The following NUP98 variants were observed in gnomAD, a reference collection of about 807,000 sequenced individuals.
NUP98 encodes nucleoporin 98 and 96 precursor.
Under a neutral mutation model 191.9 loss-of-function variants are expected in NUP98, and 26 were observed. That is an observed-to-expected ratio of 0.14 (90% CI 0.10 to 0.19). The LOEUF is 0.19. NUP98 is among the 10% of genes least tolerant of loss of function. The probability of loss-of-function intolerance (pLI) is 1.00; values close to 1 mark genes in which losing one functional copy is unlikely to be tolerated. For synonymous variants in NUP98, 808 were observed against 778.4 expected (o/e 1.04, Z -0.63); for missense variants, 1,941 against 2,178.8 (o/e 0.89, Z 2.17).
intron 13 of NUP98, among the ~76,000 whole-genome samples, chr11:3,734,442 A>G (rs1447806495): frequency 6.6e-6 from 1 of 152,224 alleles, no homozygotes; most frequent in East Asian, 1.9e-4. Context: ...GCAATTTACT[A>G]TGATCCTGGT....
At chr11:3,776,075 T>TACATTCTTA in intron 4 of NUP98, 54 bp from the exon 5 acceptor site, 1 of 1,394,142 alleles carries the variant, frequency 7.2e-7, no homozygotes, top group Non-Finnish European at 1.0e-6. Context: ...TAAGAATGTA[T>TACATTCTTA]AAGATGCATT....
chr11:3,770,846 G>A (rs1223059213), intron 7 of NUP98, among the ~76,000 whole-genome samples: 4 of 152,072 alleles, frequency 2.6e-5, no homozygotes, highest in Non-Finnish European at 5.9e-5. Flanking sequence ...ACTGGGTCCA[G>A]AACCTCATCT....
chr11:3,712,618 G>A lies in NUP98; in HGVS notation c.2688C>T (p.Ser896=), dbSNP rs753648794. Residue 896 remains serine (S), a synonymous_variant, in exon 20 of 33, where the codon AGC becomes AGT. Coordinates refer to ENST00000324932, the MANE Select transcript of NUP98 (RefSeq NM_016320.5). ...GAGCCATCTGCAAGGGCGTAGTCTG[G>A]CTTGCAGGAGGCAAAGGAGCAGTCT... ...KLKTAPLPPA[S]QTTPLQMALN... is the part of the protein sequence containing the mutation. The A allele has an allele frequency of 1.9e-6, 3 of 1,614,026 alleles. No individual in the cohort carries two copies. The highest frequency in any genetic ancestry group is 2.2e-5 in the South Asian group (2 of 91,080).
chr11:3,775,549 T>TACC (rs2081687672), intron 5 of NUP98, among the ~76,000 whole-genome samples: 1 of 137,180 alleles, frequency 7.3e-6, no homozygotes, highest in African/African-American at 2.8e-5. Context: ...AAAAACAAAA[T>TACC]AACAAAAAAA....
At chr11:3,794,122 G>A (rs976579699) in intron 1 of NUP98, among the ~76,000 whole-genome samples, 5 of 152,160 alleles carry the variant, frequency 3.3e-5, no homozygotes, top group African/African-American at 1.2e-4. Context: ...AGGTAGGAAT[G>A]TTGCTAAATA....
intron 18 of NUP98, among the ~76,000 whole-genome samples, 196 bp downstream of exon 18, chr11:3,719,216 A>C (rs537948015): frequency 6.5e-4 from 99 of 152,334 alleles, no homozygotes; most frequent in African/African-American, 2.3e-3. Flanking sequence ...TAAAAAATAA[A>C]ATCAGGGAAA....
At chr11:3,737,781 G>T (rs1354854636) in intron 12 of NUP98, among the ~76,000 whole-genome samples, 1 of 151,988 alleles carries the variant, frequency 6.6e-6, no homozygotes, top group Admixed American at 6.6e-5. Flanking sequence ...GTTTGCTCAG[G>T]ATCTCAAACC....
At chr11:3,784,088 T>C (rs1261732753) in intron 1 of NUP98, among the ~76,000 whole-genome samples, 1 of 152,182 alleles carries the variant, frequency 6.6e-6, no homozygotes, top group Non-Finnish European at 1.5e-5. Flanking sequence ...GAGATGATGA[T>C]TTTTCTATTA....
intron 30 of NUP98, among the ~76,000 whole-genome samples, 157 bp downstream of exon 30, chr11:3,683,043 G>A (rs2078025755): frequency 6.6e-6 from 1 of 152,144 alleles, no homozygotes; most frequent in African/African-American, 2.4e-5. Context: ...CCTCATCCTG[G>A]CTAAGCCTCT....
intron 12 of NUP98, among the ~76,000 whole-genome samples, chr11:3,736,577 G>C (rs535133863): frequency 6.6e-6 from 1 of 152,154 alleles, no homozygotes; most frequent in Non-Finnish European, 1.5e-5. Flanking sequence ...TCAGTGAGCC[G>C]AGATCGCGCC....
At chr11:3,697,180 G>C (rs541464438) in intron 25 of NUP98, 1 of 152,344 alleles carries the variant, frequency 6.6e-6, no homozygotes, top group African/African-American at 2.4e-5. Flanking sequence ...GGGAGGCTGA[G>C]GCAGGAGGGC....
Position 3,676,351 on chromosome 11 carries a change from C to T in NUP98, c.5211G>A (p.Leu1737=). 6 of 1,613,996 alleles carry T rather than the reference C, an allele frequency of 3.7e-6. No homozygotes were observed. Among genetic ancestry groups the T allele is most frequent in the Middle Eastern group, 1.6e-4 (1 of 6,062 alleles). The change falls in exon 33 of 33, where the codon CTG becomes CTA. Residue 1737 remains leucine (L), a synonymous_variant. Coordinates refer to ENST00000324932, the MANE Select transcript of NUP98 (RefSeq NM_016320.5). ...QSDMAKRVAN[L]LRVVLSLHHP... is the part of the protein sequence containing the mutation. ...GATGCAGACTCAGCACCACGCGCAG[C>T]AGGTTGGCTACACGTTTGGCCATGT...
intron 8 of NUP98, among the ~76,000 whole-genome samples, chr11:3,768,353 G>A (rs895666580): frequency 1.3e-5 from 2 of 151,408 alleles, no homozygotes; most frequent in African/African-American, 2.4e-5. Flanking sequence ...CCTGGGAGGC[G>A]GAGCTTGCAG....
At chr11:3,796,584 C>T (rs1293877265) in intron 1 of NUP98, among the ~76,000 whole-genome samples, 2 of 152,238 alleles carry the variant, frequency 1.3e-5, no homozygotes, top group Non-Finnish European at 2.9e-5. Context: ...GTGAAGACTA[C>T]ATCTACGTTT....
At chr11:3,752,254 ACACCTGTAATCC>A (rs2080789486) in intron 11 of NUP98, among the ~76,000 whole-genome samples, 1 of 151,936 alleles carries the variant, frequency 6.6e-6, no homozygotes, top group African/African-American at 2.4e-5. Flanking sequence ...ACGGTGGCTC[ACACCTGTAATCC>A]CAGCACTTTG....
In NUP98 at chr11:3,785,281, T is replaced by C. The variant is rs561174254; in HGVS notation, c.-28-3136A>G. On this transcript the variant is annotated intron_variant, in intron 1 of 32. Transcript: ENST00000324932. ...CATGACTGTAATCACTTCACGGCAA[T>C]GACAGGCTGAAGCTTAGTAGCAATT... 9.9e-5 allele frequency among the ~76,000 whole-genome samples: 15 copies of C among 152,160 alleles called. No homozygotes were observed. In the South Asian group the frequency reaches 3.1e-3, roughly 32 times the overall value.
chr11:3,796,709 G>T (rs904209855), intron 1 of NUP98, among the ~76,000 whole-genome samples: 1 of 152,158 alleles, frequency 6.6e-6, no homozygotes, highest in Non-Finnish European at 1.5e-5. Context: ...TCAAAAATCT[G>T]GCATTGGCTA....
chr11:3,750,401 T>C (rs933952446), intron 11 of NUP98, among the ~76,000 whole-genome samples: 2 of 152,146 alleles, frequency 1.3e-5, no homozygotes, highest in African/African-American at 2.4e-5. Flanking sequence ...CAGCTCTAAA[T>C]AGCGTTTTTC....
intron 28 of NUP98, 52 bp from the exon 29 acceptor site, chr11:3,686,246 CTGA>C: frequency 6.6e-7 from 1 of 1,510,518 alleles, no homozygotes; most frequent in East Asian, 2.3e-5. Context: ...ACGGCCTGGA[CTGA>C]TATGTCAACT....
Sources: allele counts gnomAD v4.1 joint callset (sites outside exome capture counted in the v4.1 genomes callset), GRCh38; gene constraint gnomAD v4.1.1; transcripts MANE v1.5; gene names NCBI Gene and HGNC (gene_info 2026-07-23, HGNC 2026-07-21).